SUGCT: variants seen among roughly 807,000 people sequenced by gnomAD.
SUGCT encodes the protein succinyl-CoA:glutarate CoA-transferase.
SUGCT carries 41 observed loss-of-function variants against 55.0 expected under a neutral mutation model. The ratio of observed to expected loss-of-function variants is 0.74; its 90% CI spans 0.58 to 0.97. SUGCT has a LOEUF of 0.97. Ranked by LOEUF, SUGCT falls within the 50% of genes least tolerant of loss-of-function variation. SUGCT has a pLI of 0.00. For synonymous variants in SUGCT, 187 were observed against 200.4 expected (o/e 0.93, Z 0.56); for missense variants, 568 against 547.8 (o/e 1.04, Z -0.37).
chr7:40,887,369 A>G, the SUGCT span, among the ~76,000 whole-genome samples: 1 of 152,240 alleles, frequency 6.6e-6, no homozygotes. Flanking sequence ...TGTAGTAGTA[A>G]GAGCAAGAGG....
chr7:40,561,785 A>C (rs1177902520), intron 12 of SUGCT, among the ~76,000 whole-genome samples: 1 of 141,020 alleles, frequency 7.1e-6, no homozygotes, highest in Non-Finnish European at 1.5e-5. Flanking sequence ...TCTGCTTCCC[A>C]GGTTCAAGCG....
At chr7:40,418,597 C>T (rs536010849) in intron 9 of SUGCT, among the ~76,000 whole-genome samples, 2 of 152,234 alleles carry the variant, frequency 1.3e-5, no homozygotes, top group African/African-American at 4.8e-5. Flanking sequence ...AGACATTGAT[C>T]AGGTCCCTCT....
rs576916904 is a variant in SUGCT, at chr7:40,648,154, C to T, written c.1090-101280C>T. Among the ~76,000 whole-genome samples, 20 of 152,244 alleles carry T rather than the reference C, an allele frequency of 1.3e-4. No individual in the cohort carries two copies. The South Asian group carries it at 3.7e-3, about 28-fold the overall frequency. ...ATGAAGATGAAACTAATAATCATCT[C>T]GTCCTACCAACAAAGTCAATGATGA... On this transcript the variant is annotated intron_variant, in intron 12 of 13. Coordinates refer to ENST00000335693, the MANE Select transcript of SUGCT (RefSeq NM_001193313.2).
chr7:40,671,631 A>G (rs1400756968), intron 12 of SUGCT, among the ~76,000 whole-genome samples: 1 of 152,220 alleles, frequency 6.6e-6, no homozygotes, highest in Non-Finnish European at 1.5e-5. Context: ...AAGGATAAAA[A>G]TGAAATAGAT....
intron 12 of SUGCT, among the ~76,000 whole-genome samples, chr7:40,649,340 T>TA (rs1365484091): frequency 6.6e-6 from 1 of 152,186 alleles, no homozygotes; most frequent in Non-Finnish European, 1.5e-5. Context: ...TATGTCACAT[T>TA]TACTGAGTAG....
chr7:40,974,141 C>A, the SUGCT span, among the ~76,000 whole-genome samples: 6 of 152,186 alleles, frequency 3.9e-5, no homozygotes, highest in Non-Finnish European at 7.3e-5. Flanking sequence ...TAAAGAGCCA[C>A]CTTCAAAGAA....
intron 9 of SUGCT, among the ~76,000 whole-genome samples, chr7:40,398,912 T>A (rs1785908345): frequency 6.6e-6 from 1 of 152,170 alleles, no homozygotes. Context: ...GAATGTGTAC[T>A]ACATACTTCT....
intron 12 of SUGCT, among the ~76,000 whole-genome samples, chr7:40,605,403 C>T (rs1012362583): frequency 2.6e-5 from 4 of 152,166 alleles, no homozygotes; most frequent in Admixed American, 6.5e-5. Context: ...CAAGATATTC[C>T]GTGTTTTTTT....
intron 7 of SUGCT, among the ~76,000 whole-genome samples, chr7:40,247,374 G>A (rs10279748): frequency 0.017 from 2,587 of 152,206 alleles, 61 homozygotes; most frequent in African/African-American, 0.06. Context: ...TCCTGCCTTA[G>A]CCTCCTGAGT....
At chr7:40,227,513 T>C (rs943024761) in intron 6 of SUGCT, among the ~76,000 whole-genome samples, 2 of 152,150 alleles carry the variant, frequency 1.3e-5, no homozygotes, top group Non-Finnish European at 2.9e-5. Flanking sequence ...TACATGTGTG[T>C]GCCACCACAT....
the SUGCT span, among the ~76,000 whole-genome samples, chr7:40,921,745 T>C: frequency 6.6e-6 from 1 of 152,184 alleles, no homozygotes; most frequent in African/African-American, 2.4e-5. Context: ...CTCCTGCTTT[T>C]CGTGGGCCTC....
intron 11 of SUGCT, among the ~76,000 whole-genome samples, chr7:40,476,112 CAT>C (rs1790659311): frequency 6.6e-6 from 1 of 152,068 alleles, no homozygotes; most frequent in Non-Finnish European, 1.5e-5. Flanking sequence ...TCAGGCCCCT[CAT>C]ATGTAAAATG....
chr7:40,659,981 G>A (rs1458476558), intron 12 of SUGCT, among the ~76,000 whole-genome samples: 1 of 152,160 alleles, frequency 6.6e-6, no homozygotes, highest in Non-Finnish European at 1.5e-5. Flanking sequence ...CTACATCTAA[G>A]TAATTTTTTT....
At chr7:40,496,254 T>TA in intron 11 of SUGCT, 30 bp from the exon 12 acceptor site, 5 of 1,486,004 alleles carry the variant, frequency 3.4e-6, no homozygotes, top group Non-Finnish European at 3.7e-6. Context: ...CCTTCCTGTG[T>TA]AAAAAATTTA....
intron 12 of SUGCT, among the ~76,000 whole-genome samples, chr7:40,600,505 G>A (rs554967613): frequency 2.6e-5 from 4 of 152,132 alleles, no homozygotes; most frequent in African/African-American, 4.8e-5. Flanking sequence ...TTAATCTCCA[G>A]GGCTTTCACA....
intron 1 of SUGCT, among the ~76,000 whole-genome samples, chr7:40,172,231 A>C (rs1382997310): frequency 2.0e-5 from 3 of 152,136 alleles, no homozygotes; most frequent in East Asian, 3.9e-4. Context: ...ATTGTATTGC[A>C]GTGGGGGAAG....
At chr7:40,339,842 C>T (rs1436440059) in intron 9 of SUGCT, among the ~76,000 whole-genome samples, 5 of 152,178 alleles carry the variant, frequency 3.3e-5, no homozygotes, top group African/African-American at 1.2e-4. Flanking sequence ...ATCACTTACG[C>T]TGGGAGCTGT....
chr7:40,507,490 C>G (rs1792672627), intron 12 of SUGCT, among the ~76,000 whole-genome samples: 1 of 152,170 alleles, frequency 6.6e-6, no homozygotes, highest in Admixed American at 6.5e-5. Flanking sequence ...AGGTAGTTTA[C>G]TCACCCCCCT....
At chr7:40,857,747 C>G (rs935139841) in intron 13 of SUGCT, among the ~76,000 whole-genome samples, 2 of 152,042 alleles carry the variant, frequency 1.3e-5, no homozygotes, top group African/African-American at 4.8e-5. Context: ...CAAAAAGTCA[C>G]AAATTATATA....
Sources: allele counts gnomAD v4.1 joint callset (sites outside exome capture counted in the v4.1 genomes callset), GRCh38; gene constraint gnomAD v4.1.1; transcripts MANE v1.5; gene names NCBI Gene and HGNC (gene_info 2026-07-23, HGNC 2026-07-21).